The following HSPH1 variants were observed in gnomAD, a reference collection of about 807,000 sequenced individuals.
HSPH1 encodes heat shock protein family H (Hsp110) member 1, also known as heat shock protein 105 kDa.
A neutral mutation model predicts 100.0 loss-of-function variants in HSPH1; 40 were observed. That is an observed-to-expected ratio of 0.40 (90% CI 0.31 to 0.52). HSPH1 has a LOEUF of 0.52. Ranked by LOEUF, HSPH1 falls within the 20% of genes least tolerant of loss-of-function variation. The probability of loss-of-function intolerance (pLI) is 0.54; values close to 1 mark genes in which losing one functional copy is unlikely to be tolerated. For synonymous variants in HSPH1, 403 were observed against 344.0 expected, an observed-to-expected ratio of 1.17 and a Z score of -1.90; for missense variants, 876 against 1,015.1, an observed-to-expected ratio of 0.86 and a Z score of 1.86.
intron 17 of HSPH1, 147 bp from the exon 18 acceptor site, chr13:31,137,671 A>G (rs1290151238): frequency 2.0e-5 from 13 of 640,776 alleles, no homozygotes; most frequent in Non-Finnish European, 3.2e-5. Context: ...CTTGCCCCAA[A>G]CCACAGTTTA....
chr13:31,155,071 C>CT (rs1956633541), intron 3 of HSPH1, among the ~76,000 whole-genome samples: 1 of 152,146 alleles, frequency 6.6e-6, no homozygotes, highest in South Asian at 2.1e-4. Context: ...AATTTCCACT[C>CT]TAACTGAAGA....
intron 1 of HSPH1, among the ~76,000 whole-genome samples, chr13:31,160,740 A>T (rs148399631): frequency 6.6e-6 from 1 of 152,348 alleles, no homozygotes; most frequent in Non-Finnish European, 1.5e-5. Context: ...GTGCAAAATT[A>T]ATTTTAAAAA....
rs1185070761 is a variant in HSPH1 at position 31,161,516 on chromosome 13, T to G, written c.67A>C (p.Ile23Leu). ...CYIAVARAGGIETIANEFSDR... is the reference protein window; with the variant it reads ...CYIAVARAGGLETIANEFSDR... ...CTGAACTCATTGGCGATGGTCTCGA[T>G]GCCCCCGGCCCGGGCTACCGCGATG... The change falls in exon 1 of 18, where the codon ATC (isoleucine) becomes CTC (leucine). Residue 23 changes from isoleucine to leucine, a missense_variant. Physicochemically the swap from Ile to Leu is conservative, Grantham distance 5. Transcript: ENST00000320027. 1 of 1,614,026 alleles carries G rather than the reference T, an allele frequency of 6.2e-7. No homozygotes were observed. The highest frequency in any genetic ancestry group is 1.1e-5 in the South Asian group (1 of 91,082).
chr13:31,148,099 A>G lies in HSPH1; in HGVS notation c.1245-7T>C, dbSNP rs1249617122. The G allele has an allele frequency of 3.7e-6, 6 of 1,602,494 alleles. No individual in the cohort carries two copies. Among genetic ancestry groups the G allele is most frequent in the African/African-American group, 1.4e-5 (1 of 73,986 alleles). ...ACTAAAGACTTCATGAACACTAGAG[A>G]GAAAAGAAAAAGGCATTCAGCAGAT... is the stretch of plus-strand genomic sequence containing the variant. On this transcript the variant is annotated splice_region_variant and splice_polypyrimidine_tract_variant and intron_variant, in intron 9 of 17. Coordinates refer to ENST00000320027, the MANE Select transcript of HSPH1 (RefSeq NM_006644.4).
At position 31,155,451 on chromosome 13, in the gene HSPH1, A is replaced by G. The variant is rs1333880845; in HGVS notation, c.306+63T>C. 7.4e-6 allele frequency: 10 copies of G among 1,345,240 alleles called. No individual in the cohort carries two copies. The South Asian group carries it at 1.2e-4, about 17-fold the overall frequency. The allele number at this position is 1,345,240 out of a possible 1,614,324, so 83.3% of individuals were successfully genotyped here. On this transcript the variant is annotated intron_variant, in intron 3 of 17. Coordinates refer to ENST00000320027, the MANE Select transcript of HSPH1 (RefSeq NM_006644.4). The stretch of plus-strand genomic sequence containing the variant: ...TTAAGAAATTTAAGTAATAACTCAA[A>G]TAAGTTCGTATTTTTAAGTATTAAT...
intron 12 of HSPH1, among the ~76,000 whole-genome samples, chr13:31,142,008 T>C (rs1593184280): frequency 6.6e-6 from 1 of 152,082 alleles, no homozygotes; most frequent in East Asian, 1.9e-4. Flanking sequence ...GCCTTCAATT[T>C]TCCAAGCCTT....
chr13:31,161,340 A>G (rs1956901564), intron 1 of HSPH1, 136 bp downstream of exon 1: 1 of 1,436,174 alleles, frequency 7.0e-7, no homozygotes, highest in Non-Finnish European at 9.3e-7. Flanking sequence ...GCTGGTCCCT[A>G]GTTCCACGGA....
chr13:31,161,907 A>G, upstream of HSPH1: 1 of 1,508,840 alleles, frequency 6.6e-7, no homozygotes, highest in Admixed American at 2.1e-5. Flanking sequence ...ACCGACCCAA[A>G]AGGGGAGGTC....
chr13:31,160,871 G>A (rs1342025652), intron 1 of HSPH1, among the ~76,000 whole-genome samples: 1 of 152,230 alleles, frequency 6.6e-6, no homozygotes, highest in Non-Finnish European at 1.5e-5. Context: ...GTAAAAAGAG[G>A]TGGGCTAATC....
rs1213335380 is a variant in HSPH1 at position 31,141,173 on chromosome 13, G to C, written c.1803C>G (p.Asn601Lys). ...GGTCTTTCCCTAACTGCCAGACCAA[G>C]TTGGCTTCAATAGGCAGCTCAACAT... ...VVNVELPIEA[N>K]LVWQLGKDLL... is the part of the protein sequence containing the mutation. Residue 601 changes from asparagine to lysine, a missense_variant, in exon 13 of 18, where the codon AAC (asparagine) becomes AAG (lysine). Asn to Lys is a moderately conservative substitution (Grantham distance 94, BLOSUM62 0). Transcript: ENST00000320027. 6.2e-7 allele frequency: 1 copy of C among 1,608,900 alleles called. No homozygotes were observed. The highest frequency in any genetic ancestry group is 2.2e-5 in the East Asian group (1 of 44,760).
chr13:31,159,580 C>G (rs889445461), intron 1 of HSPH1, among the ~76,000 whole-genome samples: 40 of 152,164 alleles, frequency 2.6e-4, no homozygotes, highest in African/African-American at 9.4e-4. Context: ...AGAGCAGAGA[C>G]TAGCTTAAAA....
intron 12 of HSPH1, among the ~76,000 whole-genome samples, chr13:31,142,550 T>C (rs575905095): frequency 6.6e-6 from 1 of 152,110 alleles, no homozygotes; most frequent in South Asian, 2.1e-4. Context: ...GGGAAACAAA[T>C]GGATAACAGC....
At chr13:31,154,445 C>G in intron 4 of HSPH1, 188 bp downstream of exon 4, 1 of 663,704 alleles carries the variant, frequency 1.5e-6, no homozygotes. Context: ...AGTCAAGAAC[C>G]TTTGCCGCTT....
intron 2 of HSPH1, among the ~76,000 whole-genome samples, chr13:31,157,370 C>G (rs1222269788): frequency 1.3e-5 from 2 of 152,124 alleles, no homozygotes; most frequent in African/African-American, 2.4e-5. Context: ...TTTTTCACCC[C>G]TTTTAGTTAT....
intron 11 of HSPH1, 45 bp downstream of exon 11, chr13:31,145,518 C>T: frequency 6.8e-7 from 1 of 1,473,952 alleles, no homozygotes; most frequent in South Asian, 1.1e-5. Flanking sequence ...TAGCTTAGAA[C>T]TAAGTCAACT....
chr13:31,139,127 A>ATAT lies in HSPH1; in HGVS notation c.1981-23_1981-21dup, dbSNP rs1955993834. 2.1e-6 allele frequency: 3 copies of ATAT among 1,407,178 alleles called. No homozygotes were observed. Among genetic ancestry groups the ATAT allele is most frequent in the Admixed American group, 1.7e-5 (1 of 59,492 alleles). The allele number at this position is 1,407,178 out of a possible 1,614,324, so 87.2% of individuals were successfully genotyped here. On this transcript the variant is annotated intron_variant, in intron 14 of 17. Transcript: ENST00000320027. Reference sequence around the variant, plus strand: ...ATGATCCTTAACACAAAATATGACAATATTAGTGGCACTCGTACTTCAGAA... The same window carrying ATAT: ...ATGATCCTTAACACAAAATATGACAATATTATTAGTGGCACTCGTACTTCAGAA...
intron 4 of HSPH1, chr13:31,153,830 T>C (rs949112271): frequency 3.2e-5 from 3 of 92,376 alleles, no homozygotes; most frequent in African/African-American, 1.2e-4. Flanking sequence ...GGAAAAAAAA[T>C]GTGGCAAAAA....
intron 12 of HSPH1, 102 bp downstream of exon 12, chr13:31,143,690 G>T: frequency 9.6e-7 from 1 of 1,038,062 alleles, no homozygotes; most frequent in South Asian, 2.9e-5. Context: ...TACACAGAAC[G>T]AAATCAATTG....
At position 31,136,687 on chromosome 13, in the gene HSPH1, T is replaced by TACA. The variant is rs1955892487; in HGVS notation, c.*628_*630dup. 2 of 153,122 alleles carry TACA rather than the reference T, an allele frequency of 1.3e-5. No individual in the cohort carries two copies. The highest frequency in any genetic ancestry group is 4.1e-4 in the South Asian group (2 of 4,848). 9.5% of individuals were successfully genotyped at this position (153,122 alleles called of 1,614,324 possible). On this transcript the variant is annotated 3_prime_UTR_variant, in exon 18 of 18. Transcript: ENST00000320027. Reference sequence around the variant, plus strand: ...GCTCATAAAAGTGTTCACAATCAGTTACAACAGGATCGACATTTCTTCCAT... The same window carrying TACA: ...GCTCATAAAAGTGTTCACAATCAGTTACAACAACAGGATCGACATTTCTTCCAT...
Sources: gnomAD v4.1 joint callset for allele counts (sites outside exome capture counted in the v4.1 genomes callset) on GRCh38, gnomAD v4.1.1 for gene constraint, MANE v1.5 for transcripts, NCBI Gene and HGNC (gene_info 2026-07-23, HGNC 2026-07-21) for gene names.